Variants in CAMTA1 observed in about 807,000 individuals in gnomAD.
The protein encoded by CAMTA1 is calmodulin-binding transcription activator 1.
Under a neutral mutation model 170.9 loss-of-function variants are expected in CAMTA1, and 27 were observed. The ratio of observed to expected loss-of-function variants is 0.16; its 90% CI spans 0.12 to 0.22. CAMTA1 has a LOEUF of 0.22. Among genes scored for constraint, CAMTA1 ranks in the 10% least tolerant of loss-of-function variants. CAMTA1 has a pLI of 1.00. For synonymous variants in CAMTA1, 833 were observed against 891.5 expected, an observed-to-expected ratio of 0.93 and a Z score of 1.17; for missense variants, 1,619 against 2,217.2, an observed-to-expected ratio of 0.73 and a Z score of 5.42.
chr1:7,344,162 A>G (rs2084047251), intron 5 of CAMTA1, among the ~76,000 whole-genome samples: 1 of 152,160 alleles, frequency 6.6e-6, no homozygotes, highest in African/African-American at 2.4e-5. Context: ...CTGAGATGAG[A>G]TGATTGAGGG....
intron 4 of CAMTA1, among the ~76,000 whole-genome samples, chr1:7,131,187 C>T (rs964739797): frequency 2.6e-5 from 4 of 152,052 alleles, no homozygotes; most frequent in Non-Finnish European, 4.4e-5. Context: ...CTCTTGACCT[C>T]GTGATCCACC....
intron 11 of CAMTA1, among the ~76,000 whole-genome samples, chr1:7,686,579 A>G (rs923158828): frequency 1.3e-5 from 2 of 151,838 alleles, no homozygotes; most frequent in Non-Finnish European, 2.9e-5. Context: ...CACCAAGAGT[A>G]GGGGGCTGGG....
intron 3 of CAMTA1, among the ~76,000 whole-genome samples, chr1:6,832,357 G>A (rs114778965): frequency 4.1e-4 from 63 of 152,250 alleles, no homozygotes; most frequent in Admixed American, 1.2e-3. Context: ...GATTACAGGT[G>A]TGAGCCACTG....
Position 7,224,611 on chromosome 1 carries a change from C to T in CAMTA1, c.303-24880C>T, listed in dbSNP as rs897065204. The stretch of plus-strand genomic sequence containing the variant: ...ACAGGAGCACAAAACTCATGAATTC[C>T]GTCCCTGCTCAAGCGGGGTCCCAGG... On this transcript the variant is annotated intron_variant, in intron 4 of 22. Coordinates refer to ENST00000303635, the MANE Select transcript of CAMTA1 (RefSeq NM_015215.4). The surrounding 1 kb of genome is among the most constrained non-coding windows in gnomAD (Gnocchi z 5.2). Among the ~76,000 whole-genome samples the T allele has an allele frequency of 5.3e-5, 8 of 152,110 alleles. No homozygotes were observed. Among genetic ancestry groups the T allele is most frequent in the Non-Finnish European group, 1.0e-4 (7 of 68,032 alleles).
chr1:7,179,311 CTAA>C (rs1376124117), intron 4 of CAMTA1, among the ~76,000 whole-genome samples: 1 of 152,084 alleles, frequency 6.6e-6, no homozygotes, highest in East Asian at 1.9e-4. Context: ...GAGAAAACCA[CTAA>C]TAATGGGAAA....
At position 6,961,557 on chromosome 1, in the gene CAMTA1, C is replaced by T. The variant is rs1218498377; in HGVS notation, c.235-129747C>T. ...GTGGCAGCCTGGGCTGAGCCGGGGGCGTGAGAGCCCAGGGCTCTCAGTCAT... is the reference window on the plus strand; with the variant it reads ...GTGGCAGCCTGGGCTGAGCCGGGGGTGTGAGAGCCCAGGGCTCTCAGTCAT... On this transcript the variant is annotated intron_variant, in intron 3 of 22. Transcript: ENST00000303635. 6.5e-5 allele frequency among the ~76,000 whole-genome samples: 8 copies of T among 122,516 alleles called. No individual in the cohort carries two copies. In the East Asian group the frequency reaches 2.0e-3, roughly 31 times the overall value. The allele number at this position is 122,516 out of a possible 152,430, so 80.4% of individuals were successfully genotyped here.
At chr1:7,643,993 A>G (rs967505950) in intron 7 of CAMTA1, among the ~76,000 whole-genome samples, 3 of 152,246 alleles carry the variant, frequency 2.0e-5, no homozygotes, top group Non-Finnish European at 4.4e-5. Flanking sequence ...CAAACACATT[A>G]GCTTCATCCC....
chr1:6,944,280 C>A (rs1277139180), intron 3 of CAMTA1, among the ~76,000 whole-genome samples: 7 of 152,192 alleles, frequency 4.6e-5, no homozygotes, highest in Admixed American at 4.6e-4. Flanking sequence ...TGCCCAATGA[C>A]ACTTGGGTTA....
At chr1:7,066,297 A>G (rs34096415) in intron 3 of CAMTA1, among the ~76,000 whole-genome samples, 27,566 of 151,838 alleles carry the variant, frequency 0.18, 2,714 homozygotes, top group Non-Finnish European at 0.22. Context: ...GGGCCTTCCC[A>G]CCCTCAGTGT....
chr1:7,091,834 C>T (rs552425638), intron 4 of CAMTA1, among the ~76,000 whole-genome samples: 4 of 152,324 alleles, frequency 2.6e-5, no homozygotes, highest in East Asian at 1.9e-4. Context: ...TGGCTAAGCT[C>T]GCAGTTTATT....
chr1:7,142,565 A>G (rs1221940643), intron 4 of CAMTA1, among the ~76,000 whole-genome samples: 1 of 152,214 alleles, frequency 6.6e-6, no homozygotes, highest in Non-Finnish European at 1.5e-5. Context: ...TGGATCCTTC[A>G]TGAATGGCTT....
At chr1:7,034,141 T>A (rs1703217043) in intron 3 of CAMTA1, among the ~76,000 whole-genome samples, 2 of 151,966 alleles carry the variant, frequency 1.3e-5, no homozygotes, top group African/African-American at 2.4e-5. Flanking sequence ...CAAGTGTGAG[T>A]GACAGTGATT....
intron 3 of CAMTA1, among the ~76,000 whole-genome samples, chr1:6,904,844 C>T (rs2149236136): frequency 6.7e-6 from 1 of 150,320 alleles, no homozygotes; most frequent in Non-Finnish European, 1.5e-5. Context: ...CCTCCCGCCT[C>T]AGCCTTCCAA....
rs1557486806 is a variant in CAMTA1 at position 7,309,286 on chromosome 1, A to ATTT, written c.438+59660_438+59661insTTT. On this transcript the variant is annotated intron_variant, in intron 5 of 22. Coordinates refer to ENST00000303635, the MANE Select transcript of CAMTA1 (RefSeq NM_015215.4). Reference sequence around the variant, plus strand: ...TGTCTTTTCATTATTGCAGTTAGAAAATTTTTTTTTTTTTTTTTTTTTTTT... The same window carrying ATTT: ...TGTCTTTTCATTATTGCAGTTAGAAATTTATTTTTTTTTTTTTTTTTTTTTTTT... Among the ~76,000 whole-genome samples the ATTT allele has an allele frequency of 2.4e-4, 34 of 142,954 alleles. 2 individuals carry two copies. The highest frequency in any genetic ancestry group is 8.3e-4 in the African/African-American group (32 of 38,542). 93.8% of individuals were successfully genotyped at this position (142,954 alleles called of 152,430 possible). A position where few individuals can be genotyped will look rare whatever the true frequency, so the allele number is the denominator to read the frequency against.
At chr1:7,241,098 C>G (rs1023481047) in intron 4 of CAMTA1, among the ~76,000 whole-genome samples, 1 of 152,112 alleles carries the variant, frequency 6.6e-6, no homozygotes, top group Non-Finnish European at 1.5e-5. Context: ...TAGCAAGGGT[C>G]ACAGGATAAG....
At chr1:7,031,742 T>G (rs1056649875) in intron 3 of CAMTA1, among the ~76,000 whole-genome samples, 1 of 151,946 alleles carries the variant, frequency 6.6e-6, no homozygotes, top group Non-Finnish European at 1.5e-5. Flanking sequence ...GGGGTTTCAC[T>G]GTGTTAGCCA....
intron 6 of CAMTA1, among the ~76,000 whole-genome samples, chr1:7,636,726 A>T (rs1477125974): frequency 6.6e-6 from 1 of 150,996 alleles, no homozygotes; most frequent in South Asian, 2.1e-4. Context: ...AAAAAAAGGA[A>T]GGCTTCCCTG....
intron 5 of CAMTA1, among the ~76,000 whole-genome samples, chr1:7,302,746 C>T (rs1674964292): frequency 6.6e-6 from 1 of 152,160 alleles, no homozygotes; most frequent in Admixed American, 6.5e-5. Flanking sequence ...TTTGGGGGAG[C>T]CTCTCTCAGG....
At chr1:7,696,233 G>A (rs2096374436) in intron 11 of CAMTA1, among the ~76,000 whole-genome samples, 1 of 152,112 alleles carries the variant, frequency 6.6e-6, no homozygotes, top group Non-Finnish European at 1.5e-5. Context: ...GTCTCACACT[G>A]TCACCCAGGC....
Sources: allele counts gnomAD v4.1 joint callset (sites outside exome capture counted in the v4.1 genomes callset), GRCh38; gene constraint gnomAD v4.1.1; non-coding constraint Gnocchi (gnomAD v3.1); transcripts MANE v1.5; gene names NCBI Gene and HGNC (gene_info 2026-07-23, HGNC 2026-07-21).